Variants in RBFOX1 observed in about 807,000 individuals in gnomAD.
RBFOX1 encodes RNA binding protein fox-1 homolog 1.
In RBFOX1, 8 loss-of-function variants were observed where a neutral mutation model predicts 57.7. That is an observed-to-expected ratio of 0.14 (90% confidence interval 0.08 to 0.25). The LOEUF (loss-of-function observed/expected upper bound fraction) is 0.25. RBFOX1 is among the 10% of genes least tolerant of loss of function. RBFOX1 has a pLI of 1.00. For synonymous variants in RBFOX1, 326 were observed against 222.4 expected (o/e 1.47, Z -4.15); for missense variants, 611 against 548.5 (o/e 1.11, Z -1.14).
chr16:5,999,897 AAAAAAAAAAAGAG>A (rs1567239147), intron 4 of RBFOX1, among the ~76,000 whole-genome samples: 3,605 of 62,748 alleles, frequency 0.057, 753 homozygotes, highest in Non-Finnish European at 0.088. Flanking sequence ...AAAAAAAAAA[AAAAAAAAAAAGAG>A]TGAAGAAGGG....
chr16:7,050,769 A>G (rs1004328681), intron 3 of RBFOX1, among the ~76,000 whole-genome samples: 15 of 152,216 alleles, frequency 9.9e-5, no homozygotes, highest in African/African-American at 3.6e-4. Context: ...TAATTTTTCC[A>G]TTATCACACA....
At chr16:6,671,077 C>T (rs1460101064) in intron 3 of RBFOX1, among the ~76,000 whole-genome samples, 1 of 152,204 alleles carries the variant, frequency 6.6e-6, no homozygotes, top group Non-Finnish European at 1.5e-5. Context: ...CCAGAGTACT[C>T]ATACGTATGA....
chr16:7,462,296 A>T (rs1432460700), intron 4 of RBFOX1, among the ~76,000 whole-genome samples: 1 of 152,216 alleles, frequency 6.6e-6, no homozygotes, highest in African/African-American at 2.4e-5. Flanking sequence ...GGAGTTCAAA[A>T]CTAGCCTGGC....
intron 2 of RBFOX1, among the ~76,000 whole-genome samples, chr16:6,631,294 T>A (rs79782830): frequency 0.01 from 1,559 of 152,188 alleles, 25 homozygotes; most frequent in African/African-American, 0.036. Context: ...TGTGTGTGTG[T>A]GTACGAGAGA....
chr16:7,012,320 A>G (rs149472185), intron 3 of RBFOX1, among the ~76,000 whole-genome samples: 37 of 152,296 alleles, frequency 2.4e-4, no homozygotes, highest in African/African-American at 8.4e-4. Context: ...GAGATCTCAT[A>G]ACTACTAGTG....
At chr16:6,478,437 T>A (rs1383323800) in intron 2 of RBFOX1, among the ~76,000 whole-genome samples, 123 of 106,956 alleles carry the variant, frequency 1.2e-3, no homozygotes, top group African/African-American at 5.5e-3. Flanking sequence ...ATATTTTTTT[T>A]TTTTTTTTTT....
At position 6,106,189 on chromosome 16, in the gene RBFOX1, G is replaced by T. The variant is rs142588577; in HGVS notation, c.-127+86197G>T. Among the ~76,000 whole-genome samples, 569 of 152,224 alleles carry T rather than the reference G, an allele frequency of 3.7e-3. 15 individuals carry two copies. The highest frequency in any genetic ancestry group is 7.4e-4 in the Non-Finnish European group (50 of 68,004). ...CAGGTAGTTTTGGCCGGGCCCAGTA[G>T]CTCCTGCCTGTAATTCCAGCACTTT... is the stretch of plus-strand genomic sequence containing the variant. On this transcript the variant is annotated intron_variant, in intron 1 of 15. Coordinates refer to ENST00000550418, the MANE Select transcript of RBFOX1 (RefSeq NM_018723.4).
intron 4 of RBFOX1, among the ~76,000 whole-genome samples, chr16:7,297,800 TAC>T (rs1422084168): frequency 2.6e-5 from 4 of 152,176 alleles, no homozygotes; most frequent in Non-Finnish European, 5.9e-5. Context: ...CATAAATCTG[TAC>T]AGAGTAAAAA....
rs192062785 is a variant in RBFOX1, at chr16:6,700,573, G to A, written c.-16+45923G>A. Among the ~76,000 whole-genome samples the A allele has an allele frequency of 8.7e-4, 133 of 152,206 alleles. No homozygotes were observed. In the East Asian group the frequency reaches 0.01, roughly 12 times the overall value. On this transcript the variant is annotated intron_variant, in intron 3 of 15. Transcript: ENST00000550418. ...TTCAGGAGGCTGAGGCAAGAGAATT[G>A]CTTGAACCCGGGAGGCAGAGGTTGC...
chr16:6,134,026 T>G (rs528182646), intron 1 of RBFOX1, among the ~76,000 whole-genome samples: 1 of 152,180 alleles, frequency 6.6e-6, no homozygotes, highest in South Asian at 2.1e-4. Flanking sequence ...AACCTCTGCC[T>G]CCTGGGTTCA....
intron 3 of RBFOX1, among the ~76,000 whole-genome samples, chr16:6,808,529 G>A (rs995124101): frequency 5.9e-5 from 9 of 152,098 alleles, no homozygotes; most frequent in Admixed American, 1.3e-4. Flanking sequence ...GATTAAGAGG[G>A]ACAGGTTTGC....
intron 1 of RBFOX1, among the ~76,000 whole-genome samples, chr16:6,282,735 G>T (rs1294606194): frequency 6.6e-6 from 1 of 152,000 alleles, no homozygotes; most frequent in Non-Finnish European, 1.5e-5. Context: ...TTTATACTTT[G>T]CCCCTTCTTT....
intron 3 of RBFOX1, among the ~76,000 whole-genome samples, chr16:6,961,725 T>G (rs2083058769): frequency 6.6e-6 from 1 of 152,102 alleles, no homozygotes; most frequent in African/African-American, 2.4e-5. Flanking sequence ...TTAGACCATA[T>G]AGGGTAGCTT....
intron 2 of RBFOX1, among the ~76,000 whole-genome samples, chr16:6,331,434 G>T (rs2083012316): frequency 7.0e-6 from 1 of 142,742 alleles, no homozygotes. Flanking sequence ...GTGACAGAAT[G>T]AAGAAAAAAA....
chr16:5,789,340 G>A (rs997403020), intron 3 of RBFOX1, among the ~76,000 whole-genome samples: 33 of 152,306 alleles, frequency 2.2e-4, no homozygotes, highest in African/African-American at 7.7e-4. Flanking sequence ...GACAGTAAAT[G>A]CTTCTGAGAA....
chr16:6,899,712 C>T (rs1596558522), intron 3 of RBFOX1, among the ~76,000 whole-genome samples: 1 of 152,328 alleles, frequency 6.6e-6, no homozygotes, highest in East Asian at 1.9e-4. Context: ...CCCATGGAGG[C>T]TTCATGCATG....
At chr16:6,657,569 T>C (rs758148524) in intron 3 of RBFOX1, among the ~76,000 whole-genome samples, 8 of 152,094 alleles carry the variant, frequency 5.3e-5, no homozygotes, top group Non-Finnish European at 1.0e-4. Context: ...ACTGATGGGT[T>C]GTTTAGGAAA....
chr16:6,159,355 G>A (rs1231689202), intron 1 of RBFOX1, among the ~76,000 whole-genome samples: 1 of 152,200 alleles, frequency 6.6e-6, no homozygotes, highest in Non-Finnish European at 1.5e-5. Context: ...GGGATTACAG[G>A]CGTGAGCCAC....
intron 4 of RBFOX1, among the ~76,000 whole-genome samples, chr16:7,188,064 G>A (rs1026562972): frequency 1.3e-5 from 2 of 152,180 alleles, no homozygotes; most frequent in East Asian, 1.9e-4. Context: ...ACTTTTCTCT[G>A]TTTCTCACAT....
Sources: gnomAD v4.1 joint callset for allele counts (sites outside exome capture counted in the v4.1 genomes callset) on GRCh38, gnomAD v4.1.1 for gene constraint, MANE v1.5 for transcripts, NCBI Gene and HGNC (gene_info 2026-07-23, HGNC 2026-07-21) for gene names.